DGKB: variants seen among roughly 807,000 people sequenced by gnomAD.
The protein encoded by DGKB is 90 kDa diacylglycerol kinase.
In DGKB, 67 loss-of-function variants were observed where a neutral mutation model predicts 114.3. The observed-to-expected ratio is 0.59, with a 90% confidence interval of 0.48 to 0.72. DGKB has a LOEUF of 0.72. Ranked by LOEUF, DGKB falls within the 30% of genes least tolerant of loss-of-function variation. The pLI is 0.00. For synonymous variants in DGKB, 398 were observed against 323.1 expected (o/e 1.23, Z -2.49); for missense variants, 907 against 975.2 (o/e 0.93, Z 0.93).
chr7:14,644,116 C>CA (rs35685758), intron 13 of DGKB, among the ~76,000 whole-genome samples: 24,094 of 138,750 alleles, frequency 0.17, 2,240 homozygotes, highest in East Asian at 0.5. Flanking sequence ...TGATTACAGG[C>CA]AAAAAAAAAA....
chr7:14,754,023 T>A (rs1335760393), intron 3 of DGKB, 75 bp from the exon 4 acceptor site: 4 of 1,053,628 alleles, frequency 3.8e-6, no homozygotes, highest in African/African-American at 1.6e-5. Flanking sequence ...TATCTCTGAT[T>A]ATTTAGCTAA....
At chr7:14,932,795 C>T (rs1273828292) in intron 1 of DGKB, among the ~76,000 whole-genome samples, 1 of 152,108 alleles carries the variant, frequency 6.6e-6, no homozygotes, top group Non-Finnish European at 1.5e-5. Flanking sequence ...TTTATCAAAG[C>T]TAATCTGTTG....
chr7:14,819,990 G>A (rs1283227190), intron 2 of DGKB, among the ~76,000 whole-genome samples: 2 of 152,116 alleles, frequency 1.3e-5, no homozygotes, highest in East Asian at 3.9e-4. Context: ...AATCCATATT[G>A]TGTTTTGGGT....
chr7:14,299,543 C>A (rs950633665), intron 23 of DGKB, among the ~76,000 whole-genome samples: 2 of 152,120 alleles, frequency 1.3e-5, no homozygotes, highest in Non-Finnish European at 1.5e-5. Flanking sequence ...ATGCTTCATG[C>A]AGACCAACAA....
At chr7:14,833,895 T>C (rs980089512) in intron 2 of DGKB, among the ~76,000 whole-genome samples, 1 of 152,114 alleles carries the variant, frequency 6.6e-6, no homozygotes, top group African/African-American at 2.4e-5. Flanking sequence ...TGCGCAGAGT[T>C]AAAATCTCTC....
At chr7:14,613,156 G>A (rs1342750403) in intron 16 of DGKB, among the ~76,000 whole-genome samples, 184 bp downstream of exon 16, 1 of 151,980 alleles carries the variant, frequency 6.6e-6, no homozygotes, top group Non-Finnish European at 1.5e-5. Context: ...GTTACAAAAG[G>A]CCATTGTATT....
intron 2 of DGKB, among the ~76,000 whole-genome samples, chr7:14,817,463 A>G (rs1455088121): frequency 6.6e-6 from 1 of 152,220 alleles, no homozygotes; most frequent in African/African-American, 2.4e-5. Context: ...AAATAGAAAT[A>G]AAAACATAAA....
At chr7:14,301,360 C>A (rs1803512871) in intron 23 of DGKB, among the ~76,000 whole-genome samples, 1 of 152,068 alleles carries the variant, frequency 6.6e-6, no homozygotes, top group African/African-American at 2.4e-5. Flanking sequence ...ATATCCTACA[C>A]ACCCTAACAA....
intron 6 of DGKB, among the ~76,000 whole-genome samples, chr7:14,708,965 C>T (rs1431490398): frequency 3.3e-5 from 5 of 150,242 alleles, no homozygotes; most frequent in African/African-American, 5.0e-5. Context: ...ATTGACAAAT[C>T]GGATCTAATT....
rs1240498843 is a variant in DGKB at position 14,280,323 on chromosome 7, AGAAAC to A, written c.2122+58187_2122+58191del. Among the ~76,000 whole-genome samples the A allele has an allele frequency of 3.3e-5, 5 of 152,114 alleles. 1 individual carries two copies. In the East Asian group the frequency reaches 9.7e-4, roughly 30 times the overall value. On this transcript the variant is annotated intron_variant, in intron 23 of 25. Coordinates refer to ENST00000402815, the MANE Select transcript of DGKB (RefSeq NM_001350709.2). ...AAAGTTTAGAGAGAAAAGAATAAAA[AGAAAC>A]GAGCAAAGCCTCCAAGAAATATGGG...
chr7:14,490,905 G>A (rs868381140), intron 20 of DGKB, among the ~76,000 whole-genome samples: 9 of 151,314 alleles, frequency 5.9e-5, no homozygotes, highest in Non-Finnish European at 1.3e-4. Context: ...GATTTCCAAA[G>A]GATTTTCTGG....
chr7:14,862,086 AT>A (rs953313962), intron 1 of DGKB, among the ~76,000 whole-genome samples: 1 of 151,890 alleles, frequency 6.6e-6, no homozygotes, highest in African/African-American at 2.4e-5. Flanking sequence ...GTGATTTTAA[AT>A]TTTTGCTTCC....
intron 1 of DGKB, among the ~76,000 whole-genome samples, chr7:14,898,662 T>C (rs1328507294): frequency 6.6e-6 from 1 of 152,032 alleles, no homozygotes; most frequent in Non-Finnish European, 1.5e-5. Flanking sequence ...ACTAACTCTA[T>C]TCCCAACCCC....
chr7:14,549,743 C>T (rs995958845), intron 20 of DGKB, among the ~76,000 whole-genome samples: 2 of 152,170 alleles, frequency 1.3e-5, no homozygotes, highest in Non-Finnish European at 2.9e-5. Flanking sequence ...AATCCCAGCA[C>T]TTTGGGAGGC....
In DGKB at chr7:14,695,907, A is replaced by T. The variant is rs145121038; in HGVS notation, c.592-1713T>A. 2.0e-5 allele frequency among the ~76,000 whole-genome samples: 3 copies of T among 152,328 alleles called. No individual in the cohort carries two copies. The East Asian group carries it at 5.8e-4, about 29-fold the overall frequency. On this transcript the variant is annotated intron_variant, in intron 8 of 25. Transcript: ENST00000402815. ...GAAGCCTTAGGCAAGATGACAAGGC[A>T]GTTCCCATGACAGCAGACATAATGT...
At chr7:14,965,724 G>A (rs1051019929) in intron 1 of DGKB, among the ~76,000 whole-genome samples, 2 of 151,850 alleles carry the variant, frequency 1.3e-5, no homozygotes, top group African/African-American at 2.4e-5. Flanking sequence ...AACTTACACT[G>A]GCCTGACATC....
At chr7:14,738,842 A>G (rs992914506) in intron 4 of DGKB, among the ~76,000 whole-genome samples, 1 of 152,236 alleles carries the variant, frequency 6.6e-6, no homozygotes, top group Non-Finnish European at 1.5e-5. Flanking sequence ...CTTTTGGACC[A>G]TAATTATACC....
chr7:14,817,848 T>C (rs1844377629), intron 2 of DGKB, among the ~76,000 whole-genome samples: 1 of 152,144 alleles, frequency 6.6e-6, no homozygotes, highest in African/African-American at 2.4e-5. Context: ...ATGCTTCCTA[T>C]TGAAACATAT....
intron 21 of DGKB, among the ~76,000 whole-genome samples, chr7:14,473,957 A>G (rs1781795941): frequency 6.6e-6 from 1 of 152,332 alleles, no homozygotes; most frequent in East Asian, 1.9e-4. Context: ...CATAGGCAAA[A>G]GGGACTTGCC....
Sources: allele counts gnomAD v4.1 joint callset (sites outside exome capture counted in the v4.1 genomes callset), GRCh38; gene constraint gnomAD v4.1.1; transcripts MANE v1.5; gene names NCBI Gene and HGNC (gene_info 2026-07-23, HGNC 2026-07-21).